The following STON2 variants were observed in gnomAD, a reference collection of about 807,000 sequenced individuals.
STON2 encodes stonin-2.
A neutral mutation model predicts 65.7 loss-of-function variants in STON2; 29 were observed. That is an observed-to-expected ratio of 0.44 (90% CI 0.33 to 0.60). STON2 has a LOEUF of 0.60. STON2 is among the 20% of genes least tolerant of loss of function. The pLI, the probability that STON2 is intolerant of heterozygous loss-of-function variation, is 0.03. For synonymous variants in STON2, 404 were observed against 414.2 expected, an observed-to-expected ratio of 0.98 and a Z score of 0.30; for missense variants, 1,054 against 1,118.1, an observed-to-expected ratio of 0.94 and a Z score of 0.82.
At position 81,308,781 on chromosome 14, in the gene STON2, CATATATATATATATATAT is replaced by C. The variant is rs57821672; in HGVS notation, c.742+15218_742+15235del. Among the ~76,000 whole-genome samples the C allele has an allele frequency of 6.5e-4, 6 of 9,174 alleles. 1 individual carries two copies. Among genetic ancestry groups the C allele is most frequent in the Non-Finnish European group, 7.8e-4 (4 of 5,114 alleles). 6.0% of individuals were successfully genotyped at this position (9,174 alleles called of 152,430 possible). ...TTCACCCAGAGGACATGGTTTTACC[CATATATATATATATATAT>C]ATATATATATATATATATATATATA... is the stretch of plus-strand genomic sequence containing the variant. On this transcript the variant is annotated intron_variant, in intron 5 of 7. Transcript: ENST00000614646.
intron 4 of STON2, among the ~76,000 whole-genome samples, chr14:81,347,681 T>C (rs1897866226): frequency 7.4e-6 from 1 of 135,228 alleles, no homozygotes; most frequent in Non-Finnish European, 1.6e-5. Context: ...GCAAAGATCC[T>C]CAACAAAAAA....
intron 4 of STON2, among the ~76,000 whole-genome samples, chr14:81,366,646 T>C (rs1434980358): frequency 2.6e-5 from 4 of 151,940 alleles, no homozygotes; most frequent in Admixed American, 1.3e-4. Context: ...AAACCAATCA[T>C]ACCGAACTCC....
chr14:81,341,236 C>T (rs531866058), intron 4 of STON2, among the ~76,000 whole-genome samples: 1 of 152,132 alleles, frequency 6.6e-6, no homozygotes, highest in East Asian at 1.9e-4. Flanking sequence ...ACTTTTGTTC[C>T]AAGTCAGAAA....
upstream of STON2, among the ~76,000 whole-genome samples, chr14:81,403,240 T>C (rs868167922): frequency 4.6e-5 from 7 of 152,244 alleles, no homozygotes; most frequent in Non-Finnish European, 1.0e-4. Flanking sequence ...TTTTATTTCA[T>C]GAGCTCCTGC....
chr14:81,347,622 A>AC (rs1445258375), intron 4 of STON2, among the ~76,000 whole-genome samples: 3 of 149,236 alleles, frequency 2.0e-5, no homozygotes, highest in Non-Finnish European at 4.5e-5. Flanking sequence ...CAGTAAAAAA[A>AC]AAAAAAAAAA....
At position 81,278,196 on chromosome 14, in the gene STON2, G is replaced by C; in HGVS notation, c.1286C>G (p.Ser429Ter). Residue 429 changes from serine (S) to a stop codon, truncating the protein, a stop_gained, in exon 6 of 8, where the codon TCA (serine) becomes TGA (stop). Coordinates refer to ENST00000614646, the MANE Select transcript of STON2 (RefSeq NM_001394390.1). LOFTEE classifies it high-confidence loss of function. Reference sequence around the variant, plus strand: ...ATCAGAGTGTGACTGGGTTTTGCTTGAATCATCAAAACTGATGGCATCCTG... The same window carrying C: ...ATCAGAGTGTGACTGGGTTTTGCTTCAATCATCAAAACTGATGGCATCCTG... The part of the protein sequence containing the change: ...IYQDAISFDD[S>*]SKTQSHSDAV... 6.2e-7 allele frequency: 1 copy of C among 1,614,086 alleles called. No individual in the cohort carries two copies. Among genetic ancestry groups the C allele is most frequent in the Non-Finnish European group, 8.5e-7 (1 of 1,179,968 alleles).
At chr14:81,333,589 C>A (rs79342893) in intron 4 of STON2, among the ~76,000 whole-genome samples, 1 of 152,152 alleles carries the variant, frequency 6.6e-6, no homozygotes, top group Admixed American at 6.6e-5. Flanking sequence ...ACAGGACTAG[C>A]TGTTAACCGT....
chr14:81,402,664 G>C (rs1443003216), upstream of STON2, among the ~76,000 whole-genome samples: 1 of 152,110 alleles, frequency 6.6e-6, no homozygotes, highest in Non-Finnish European at 1.5e-5. Flanking sequence ...TCCTGGAAAA[G>C]GAGCTCTAAG....
At chr14:81,300,631 C>A (rs1279712142) in intron 5 of STON2, among the ~76,000 whole-genome samples, 4 of 152,034 alleles carry the variant, frequency 2.6e-5, no homozygotes, top group Admixed American at 1.3e-4. Flanking sequence ...ACAAATTAAG[C>A]TATAATGAGA....
chr14:81,314,842 CTT>C (rs959495674), intron 5 of STON2, among the ~76,000 whole-genome samples: 1 of 152,132 alleles, frequency 6.6e-6, no homozygotes, highest in Non-Finnish European at 1.5e-5. Context: ...AATAATACCT[CTT>C]TGTTTTTTTT....
At chr14:81,354,572 C>A (rs560574830) in intron 4 of STON2, among the ~76,000 whole-genome samples, 1 of 152,202 alleles carries the variant, frequency 6.6e-6, no homozygotes, top group South Asian at 2.1e-4. Flanking sequence ...CAGAATAATT[C>A]TCTCGAAAAA....
At chr14:81,371,971 G>GC (rs934034103) in intron 3 of STON2, among the ~76,000 whole-genome samples, 3 of 152,116 alleles carry the variant, frequency 2.0e-5, no homozygotes, top group African/African-American at 7.2e-5. Context: ...TATGTGGCAT[G>GC]CCCCTGCTTG....
At chr14:81,401,580 G>C (rs1279386760), upstream of STON2, among the ~76,000 whole-genome samples, 1 of 152,160 alleles carries the variant, frequency 6.6e-6, no homozygotes, top group Non-Finnish European at 1.5e-5. Flanking sequence ...AGTTCATACT[G>C]GAATTAGTTG....
intron 4 of STON2, among the ~76,000 whole-genome samples, chr14:81,345,118 T>C (rs1897761280): frequency 6.6e-6 from 1 of 152,238 alleles, no homozygotes; most frequent in Admixed American, 6.5e-5. Flanking sequence ...CCAGAAATAC[T>C]ATATAGGTTG....
At chr14:81,376,895 A>G (rs1053772426) in intron 3 of STON2, among the ~76,000 whole-genome samples, 1 of 152,094 alleles carries the variant, frequency 6.6e-6, no homozygotes, top group African/African-American at 2.4e-5. Flanking sequence ...CTTCTTGTAC[A>G]TTTTTTCCCC....
chr14:81,321,706 T>C (rs775769057), intron 5 of STON2, among the ~76,000 whole-genome samples: 43 of 152,174 alleles, frequency 2.8e-4, no homozygotes, highest in Non-Finnish European at 3.4e-4. Context: ...ATTTGCTTCA[T>C]GAAGAAACCC....
chr14:81,387,948 TC>T (rs1277805079), intron 3 of STON2, among the ~76,000 whole-genome samples: 14 of 133,858 alleles, frequency 1.0e-4, no homozygotes, highest in African/African-American at 4.3e-4. Context: ...TTATTTCTTT[TC>T]TTTTTTTTTT....
intron 2 of STON2, among the ~76,000 whole-genome samples, chr14:81,418,922 T>A (rs1465827349): frequency 1.3e-5 from 2 of 152,236 alleles, no homozygotes; most frequent in African/African-American, 4.8e-5. Context: ...AGAAGCTTTT[T>A]ATCATGCCTT....
intron 3 of STON2, among the ~76,000 whole-genome samples, chr14:81,383,432 C>T (rs1461202701): frequency 6.6e-6 from 1 of 152,172 alleles, no homozygotes; most frequent in Non-Finnish European, 1.5e-5. Context: ...TTGTCCAAAT[C>T]GACTTGACAT....
Sources: gnomAD v4.1 joint callset for allele counts (sites outside exome capture counted in the v4.1 genomes callset) on GRCh38, gnomAD v4.1.1 for gene constraint, MANE v1.5 for transcripts, NCBI Gene and HGNC (gene_info 2026-07-23, HGNC 2026-07-21) for gene names.